GSE1: variants seen among roughly 807,000 people sequenced by gnomAD.
The protein encoded by GSE1 is Gse1 coiled-coil protein, also known as genetic suppressor element 1.
In GSE1, 32 loss-of-function variants were observed where a neutral mutation model predicts 112.6. The ratio of observed to expected loss-of-function variants is 0.28; its 90% CI spans 0.21 to 0.38. The LOEUF (loss-of-function observed/expected upper bound fraction) is 0.38. Among genes scored for constraint, GSE1 ranks in the 10% least tolerant of loss-of-function variants. GSE1 has a pLI of 1.00. For missense variants in GSE1, 2,348 were observed against 1,699.2 expected (o/e 1.38, Z -6.71); for synonymous variants, 1,115 against 735.6 (o/e 1.52, Z -8.35).
chr16:85,314,027 CAT>C (rs1487795622), intron 1 of GSE1, among the ~76,000 whole-genome samples: 18 of 151,250 alleles, frequency 1.2e-4, no homozygotes, highest in Middle Eastern at 3.4e-3. Context: ...GTGTATAAGA[CAT>C]AGCCATTTGT....
At chr16:85,611,588 T>TGGTCTGCCCGGAGCCTTGTGCAAGGC (rs1384362980), upstream of GSE1, 1 of 617,294 alleles carries the variant, frequency 1.6e-6, no homozygotes, top group African/African-American at 2.0e-5. Flanking sequence ...TTTTCGTTTG[T>TGGTCTGCCCGGAGCCTTGTGCAAGGC]GGTCTGCCCG....
At chr16:85,522,968 T>C (rs989423375) in intron 2 of GSE1, among the ~76,000 whole-genome samples, 21 of 152,062 alleles carry the variant, frequency 1.4e-4, no homozygotes, top group Non-Finnish European at 2.8e-4. Flanking sequence ...GGGTGTATGT[T>C]GTGTGTATGA....
At position 85,589,719 on chromosome 16, in the gene GSE1, G is replaced by A. The variant is rs568492299; in HGVS notation, c.37+33356G>A. Among the ~76,000 whole-genome samples, 9 of 152,302 alleles carry A rather than the reference G, an allele frequency of 5.9e-5. No homozygotes were observed. In the East Asian group the frequency reaches 1.7e-3, roughly 29 times the overall value. ...AGATATTGTGTGTGTGTGAACGTGT[G>A]AATGTGACTGTGTGAATGTGGATGA... is the stretch of plus-strand genomic sequence containing the variant. On this transcript the variant is annotated intron_variant, in intron 1 of 2. Transcript: ENST00000635906.
chr16:85,479,151 A>G (rs1432961419), intron 2 of GSE1, among the ~76,000 whole-genome samples: 2 of 139,556 alleles, frequency 1.4e-5, no homozygotes. Context: ...CCTCCCAAGT[A>G]GCTGGGACTA....
intron 1 of GSE1, among the ~76,000 whole-genome samples, chr16:85,626,647 A>T (rs1255782907): frequency 6.6e-6 from 1 of 152,148 alleles, no homozygotes; most frequent in African/African-American, 2.4e-5. Flanking sequence ...TTGGTGCTTG[A>T]ACCGGGACCC....
At chr16:85,240,426 C>T (rs537469268) in intron 1 of GSE1, among the ~76,000 whole-genome samples, 2 of 152,214 alleles carry the variant, frequency 1.3e-5, no homozygotes, top group African/African-American at 2.4e-5. Flanking sequence ...TGTCAGCATC[C>T]GGCACTTCCG....
chr16:85,478,450 G>C (rs2050531201), intron 2 of GSE1, among the ~76,000 whole-genome samples: 2 of 151,212 alleles, frequency 1.3e-5, no homozygotes, highest in African/African-American at 2.4e-5. Context: ...TCACCTGAAT[G>C]TGGGAGGCAG....
Position 85,186,043 on chromosome 16 carries a change from G to A in GSE1, c.2283+14236G>A, listed in dbSNP as rs2033811621. ...CCAGCGCGAGAGACCACGATGGGCC[G>A]GGCAGCGACATCTGACCATAGTCAC... On this transcript the variant is annotated intron_variant, in intron 1 of 2. Transcript: ENST00000637419. Among the ~76,000 whole-genome samples, 3 of 152,308 alleles carry A rather than the reference G, an allele frequency of 2.0e-5. No homozygotes were observed. The South Asian group carries it at 6.2e-4, about 32-fold the overall frequency.
At position 85,249,571 on chromosome 16, in the gene GSE1, C is replaced by T. The variant is rs1015897970; in HGVS notation, c.2283+77764C>T. Among the ~76,000 whole-genome samples the T allele has an allele frequency of 4.6e-5, 7 of 152,214 alleles. No homozygotes were observed. The South Asian group carries it at 6.2e-4, about 13-fold the overall frequency. ...CCAGCACCAGCACCAAGACTTCTCA[C>T]GGATTGTCACTCCGTGGAGCAACAG... On this transcript the variant is annotated intron_variant, in intron 1 of 2. Transcript: ENST00000637419.
At chr16:85,262,391 C>T (rs555875098) in intron 1 of GSE1, among the ~76,000 whole-genome samples, 2 of 152,116 alleles carry the variant, frequency 1.3e-5, no homozygotes, top group African/African-American at 2.4e-5. Flanking sequence ...GAGTTTGCAT[C>T]GCTTTTGACA....
At chr16:85,312,216 G>C (rs1032632113) in intron 1 of GSE1, among the ~76,000 whole-genome samples, 4 of 150,596 alleles carry the variant, frequency 2.7e-5, no homozygotes, top group Non-Finnish European at 5.9e-5. Flanking sequence ...GGGGGGGGGG[G>C]GACACACTTA....
intron 1 of GSE1, among the ~76,000 whole-genome samples, chr16:85,193,661 T>C (rs767328187): frequency 5.9e-5 from 9 of 152,222 alleles, no homozygotes; most frequent in Non-Finnish European, 1.0e-4. Flanking sequence ...GGTTTTGCCA[T>C]GTTGGCCAGG....
chr16:85,355,114 A>G (rs1253504688), intron 1 of GSE1, among the ~76,000 whole-genome samples: 1 of 152,218 alleles, frequency 6.6e-6, no homozygotes, highest in Non-Finnish European at 1.5e-5. Context: ...AACAAACGGT[A>G]AATTTATACG....
intron 2 of GSE1, among the ~76,000 whole-genome samples, chr16:85,442,471 G>GAATGAAT (rs2049401354): frequency 9.5e-6 from 1 of 105,404 alleles, no homozygotes. Flanking sequence ...AATGAATGAA[G>GAATGAAT]GGATAGAGAG....
intron 2 of GSE1, among the ~76,000 whole-genome samples, chr16:85,636,336 C>A (rs149955429): frequency 6.6e-6 from 1 of 152,288 alleles, no homozygotes; most frequent in African/African-American, 2.4e-5. Context: ...TCGGAGTCTG[C>A]GGATGTGGAG....
chr16:85,404,678 A>G (rs1487302700), intron 2 of GSE1, among the ~76,000 whole-genome samples: 2 of 43,426 alleles, frequency 4.6e-5, no homozygotes, highest in Non-Finnish European at 7.3e-5. Context: ...GATAATCCTC[A>G]CTGTTACACT....
rs1007239420 is a variant in GSE1, at chr16:85,666,167, A to G, written c.2950A>G (p.Lys984Glu). The G allele has an allele frequency of 6.2e-7, 1 of 1,613,468 alleles. No individual in the cohort carries two copies. Among genetic ancestry groups the G allele is most frequent in the Non-Finnish European group, 8.5e-7 (1 of 1,180,030 alleles). Residue 984 changes from lysine to glutamate, a missense_variant, in exon 13 of 16, where the codon AAG (lysine) becomes GAG (glutamate). Transcript: ENST00000253458. Reference sequence around the variant, plus strand: ...GCTGAGCGAGGCCCCTGGAGGCAAAAAGAGTCTGAGCATGCTTCACTATAT... The same window carrying G: ...GCTGAGCGAGGCCCCTGGAGGCAAAGAGAGTCTGAGCATGCTTCACTATAT... ...ARLSEAPGGK[K>E]SLSMLHYIRG...
At chr16:85,553,385 A>C (rs952517820), upstream of GSE1, among the ~76,000 whole-genome samples, 7 of 151,284 alleles carry the variant, frequency 4.6e-5, no homozygotes, top group Non-Finnish European at 8.9e-5. Context: ...GCCGGCGCCG[A>C]GGGCCTGGCG....
In GSE1 at chr16:85,371,432, G is replaced by A. The variant is rs74034705; in HGVS notation, c.2464+13789G>A. ...GGTGAGGGTGTGCGTCCTGGCTGCA[G>A]GGGCTGTATGGGTGCAGATGTGGAG... On this transcript the variant is annotated intron_variant, in intron 2 of 2. Coordinates refer to the GSE1 transcript ENST00000637419. 6.8e-3 allele frequency among the ~76,000 whole-genome samples: 1,039 copies of A among 152,304 alleles called. 11 individuals carry two copies. Among genetic ancestry groups the A allele is most frequent in the African/African-American group, 0.024 (989 of 41,566 alleles).
Sources: gnomAD v4.1 joint callset for allele counts (sites outside exome capture counted in the v4.1 genomes callset) on GRCh38, gnomAD v4.1.1 for gene constraint, MANE v1.5 for transcripts, NCBI Gene and HGNC (gene_info 2026-07-23, HGNC 2026-07-21) for gene names.